Variants in ASCC1 observed in about 807,000 individuals in gnomAD.
ASCC1 encodes the protein ASC-1 complex subunit P50.
ASCC1 carries 35 observed loss-of-function variants against 46.6 expected under a neutral mutation model. That is an observed-to-expected ratio of 0.75 (90% CI 0.57 to 0.99). ASCC1 has a LOEUF of 0.99. Among genes scored for constraint, ASCC1 ranks in the 50% least tolerant of loss-of-function variants. The pLI is 0.00. For synonymous variants in ASCC1, 143 were observed against 146.6 expected (o/e 0.98, Z 0.18); for missense variants, 376 against 428.7 (o/e 0.88, Z 1.09).
chr10:72,114,623 CAAAAA>C (rs34531262), intron 9 of ASCC1, among the ~76,000 whole-genome samples: 1 of 94,514 alleles, frequency 1.1e-5, no homozygotes, highest in Non-Finnish European at 2.2e-5. Flanking sequence ...GACTCCGTCT[CAAAAA>C]AAAAAAAAAA....
intron 4 of ASCC1, among the ~76,000 whole-genome samples, chr10:72,199,462 TA>T (rs1037422363): frequency 2.6e-5 from 4 of 151,990 alleles, no homozygotes; most frequent in African/African-American, 9.7e-5. Context: ...CATGCCCTGC[TA>T]ATTTTTGTAT....
At chr10:72,206,268 G>A (rs1857199852) in intron 3 of ASCC1, among the ~76,000 whole-genome samples, 1 of 151,886 alleles carries the variant, frequency 6.6e-6, no homozygotes, top group Non-Finnish European at 1.5e-5. Flanking sequence ...GCCGGGCATG[G>A]TGGCGCATGC....
At chr10:72,129,268 T>C (rs1201303292) in intron 8 of ASCC1, among the ~76,000 whole-genome samples, 2 of 152,064 alleles carry the variant, frequency 1.3e-5, no homozygotes, top group African/African-American at 4.8e-5. Flanking sequence ...AACAAATAAA[T>C]TGATACCAAA....
chr10:72,102,309 T>C, intron 9 of ASCC1: 1 of 1,543,326 alleles, frequency 6.5e-7, no homozygotes, highest in Non-Finnish European at 8.8e-7. Flanking sequence ...TCAGGTGTGT[T>C]TACACACTCA....
intron 5 of ASCC1, among the ~76,000 whole-genome samples, chr10:72,182,880 T>C: frequency 7.0e-6 from 1 of 142,988 alleles, no homozygotes; most frequent in East Asian, 2.0e-4. Flanking sequence ...CCCTGGATCT[T>C]GTACTGAGGG....
chr10:72,100,469 C>T (rs531769881), intron 9 of ASCC1, among the ~76,000 whole-genome samples: 4 of 152,196 alleles, frequency 2.6e-5, no homozygotes, highest in South Asian at 2.1e-4. Flanking sequence ...TCAGGTGGTC[C>T]GCCTGCCTTG....
intron 5 of ASCC1, among the ~76,000 whole-genome samples, chr10:72,167,376 C>T (rs980990795): frequency 6.6e-6 from 1 of 152,156 alleles, no homozygotes; most frequent in Non-Finnish European, 1.5e-5. Context: ...TTATATGATT[C>T]TATCTACATG....
chr10:72,121,335 G>A (rs1209161587), intron 9 of ASCC1, among the ~76,000 whole-genome samples: 1 of 151,638 alleles, frequency 6.6e-6, no homozygotes, highest in Non-Finnish European at 1.5e-5. Context: ...TGTAGAGACA[G>A]GGTCCCACTG....
intron 9 of ASCC1, among the ~76,000 whole-genome samples, chr10:72,105,434 G>C (rs1041258670): frequency 1.3e-5 from 2 of 152,242 alleles, no homozygotes; most frequent in African/African-American, 4.8e-5. Context: ...GTTGAGCACA[G>C]AGAGCCAAAT....
chr10:72,172,414 C>CAAAAAAAAA (rs1041390323), intron 5 of ASCC1, among the ~76,000 whole-genome samples: 1 of 40,286 alleles, frequency 2.5e-5, no homozygotes, highest in Non-Finnish European at 4.7e-5. Context: ...AACTCAGTCT[C>CAAAAAAAAA]AAAAAAAAAA....
rs566933555 is a variant in ASCC1, at chr10:72,190,968, C to T, written c.489+5843G>A. Among the ~76,000 whole-genome samples the T allele has an allele frequency of 2.8e-5, 4 of 140,658 alleles. No individual in the cohort carries two copies. The South Asian group carries it at 9.4e-4, about 33-fold the overall frequency. 92.3% of individuals were successfully genotyped at this position (140,658 alleles called of 152,430 possible). A position where few individuals can be genotyped will look rare whatever the true frequency, so the allele number is the denominator to read the frequency against. On this transcript the variant is annotated intron_variant, in intron 5 of 9. Coordinates refer to ENST00000672957, the MANE Select transcript of ASCC1 (RefSeq NM_001198800.3). ...CCAAGATCGCGCCATTGCACTCCAGCCTTGGCGACAGAGCGAGACGCCGTC... is the reference window on the plus strand; with the variant it reads ...CCAAGATCGCGCCATTGCACTCCAGTCTTGGCGACAGAGCGAGACGCCGTC...
intron 2 of ASCC1, 113 bp downstream of exon 2, chr10:72,213,074 A>G: frequency 1.3e-6 from 1 of 751,686 alleles, no homozygotes; most frequent in Non-Finnish European, 2.4e-6. Flanking sequence ...TATGAGGCCA[A>G]ACATCTCAAA....
intron 7 of ASCC1, among the ~76,000 whole-genome samples, chr10:72,150,345 A>G (rs1361113321): frequency 2.0e-5 from 3 of 152,216 alleles, no homozygotes; most frequent in African/African-American, 7.2e-5. Flanking sequence ...CAGAAACCTT[A>G]TAAGAAATCC....
chr10:72,133,276 G>A, intron 7 of ASCC1, 95 bp from the exon 8 acceptor site: 3 of 1,282,214 alleles, frequency 2.3e-6, no homozygotes, highest in Non-Finnish European at 3.4e-6. Flanking sequence ...TGTGCTCTGT[G>A]CTAATCACCA....
intron 9 of ASCC1, among the ~76,000 whole-genome samples, chr10:72,111,627 C>T (rs911580756): frequency 1.3e-5 from 2 of 151,942 alleles, no homozygotes; most frequent in Admixed American, 6.6e-5. Context: ...TTTCATCCCT[C>T]GGATATGGGG....
chr10:72,162,942 C>CAAGAAAAAAAA (rs571794535), intron 5 of ASCC1, among the ~76,000 whole-genome samples: 1 of 143,594 alleles, frequency 7.0e-6, no homozygotes, highest in African/African-American at 2.8e-5. Flanking sequence ...GACTCTGTCT[C>CAAGAAAAAAAA]AAAAAAAAAG....
At chr10:72,206,528 C>T (rs978038220) in intron 3 of ASCC1, among the ~76,000 whole-genome samples, 1 of 152,186 alleles carries the variant, frequency 6.6e-6, no homozygotes, top group African/African-American at 2.4e-5. Context: ...GCACAGAGCT[C>T]CATACAGTCC....
At chr10:72,117,850 T>C (rs1369471489) in intron 9 of ASCC1, among the ~76,000 whole-genome samples, 1 of 152,188 alleles carries the variant, frequency 6.6e-6, no homozygotes, top group Non-Finnish European at 1.5e-5. Flanking sequence ...TGATTTTACT[T>C]AAACAATGTT....
At chr10:72,122,490 C>T (rs1170452501) in intron 9 of ASCC1, among the ~76,000 whole-genome samples, 1 of 151,224 alleles carries the variant, frequency 6.6e-6, no homozygotes, top group Non-Finnish European at 1.5e-5. Flanking sequence ...ACCTTAGCTA[C>T]CACACCCTTA....
Sources: gnomAD v4.1 joint callset for allele counts (sites outside exome capture counted in the v4.1 genomes callset) on GRCh38, gnomAD v4.1.1 for gene constraint, MANE v1.5 for transcripts, NCBI Gene and HGNC (gene_info 2026-07-23, HGNC 2026-07-21) for gene names.